Variants in GPC5 observed in about 807,000 individuals in gnomAD.
The protein encoded by GPC5 is glypican 5.
A neutral mutation model predicts 53.9 loss-of-function variants in GPC5; 47 were observed. The observed-to-expected ratio is 0.87, with a 90% CI of 0.69 to 1.11. The LOEUF (loss-of-function observed/expected upper bound fraction) is 1.11, where lower values mean the gene tolerates loss of function less well. Ranked by LOEUF, GPC5 falls within the 50% of genes most tolerant of loss-of-function variation. GPC5 has a pLI of 0.00. For synonymous variants in GPC5, 286 were observed against 263.3 expected, an observed-to-expected ratio of 1.09 and a Z score of -0.84; for missense variants, 748 against 713.1, an observed-to-expected ratio of 1.05 and a Z score of -0.56.
chr13:92,042,086 T>C (rs150748338), intron 6 of GPC5, among the ~76,000 whole-genome samples: 1 of 152,020 alleles, frequency 6.6e-6, no homozygotes, highest in Non-Finnish European at 1.5e-5. Context: ...CTGACTGGGG[T>C]CCTGAGTCCT....
intron 7 of GPC5, among the ~76,000 whole-genome samples, chr13:92,165,279 A>C (rs1037100763): frequency 6.6e-6 from 1 of 152,178 alleles, no homozygotes; most frequent in African/African-American, 2.4e-5. Context: ...TCCCTTTTAA[A>C]AATAAGTTCC....
At chr13:92,807,338 G>A (rs1877133458) in intron 7 of GPC5, among the ~76,000 whole-genome samples, 1 of 151,972 alleles carries the variant, frequency 6.6e-6, no homozygotes, top group Non-Finnish European at 1.5e-5. Flanking sequence ...ACATATTATG[G>A]TTGATGGCCA....
chr13:92,512,523 T>TCAAATATATGAACA (rs3064769), intron 7 of GPC5, among the ~76,000 whole-genome samples: 99,624 of 151,926 alleles, frequency 0.66, 33,018 homozygotes, highest in East Asian at 0.75. Context: ...AAATGCTTCA[T>TCAAATATATGAACA]CTGTAGGCTT....
At chr13:91,774,961 A>G (rs1347127938) in intron 5 of GPC5, among the ~76,000 whole-genome samples, 1 of 152,116 alleles carries the variant, frequency 6.6e-6, no homozygotes, top group Admixed American at 6.6e-5. Flanking sequence ...TAATTTAACA[A>G]TGTGATTTTC....
chr13:91,652,651 G>A (rs1291144470), intron 2 of GPC5, among the ~76,000 whole-genome samples: 1 of 152,084 alleles, frequency 6.6e-6, no homozygotes, highest in African/African-American at 2.4e-5. Flanking sequence ...TACTCAGAAT[G>A]CCAAGCAATT....
chr13:92,151,653 C>T (rs529107806), intron 7 of GPC5, among the ~76,000 whole-genome samples: 9 of 152,274 alleles, frequency 5.9e-5, no homozygotes, highest in African/African-American at 1.9e-4. Flanking sequence ...GCCTGACGCT[C>T]TCAGGTTATA....
At chr13:91,701,551 G>C (rs1041973956) in intron 3 of GPC5, among the ~76,000 whole-genome samples, 13 of 139,432 alleles carry the variant, frequency 9.3e-5, no homozygotes, top group African/African-American at 2.0e-4. Flanking sequence ...ATATTCCACT[G>C]TGTGTGTGTG....
chr13:92,008,595 C>A (rs970928660), intron 6 of GPC5, among the ~76,000 whole-genome samples: 11 of 151,974 alleles, frequency 7.2e-5, no homozygotes, highest in Non-Finnish European at 1.5e-5. Context: ...ATATAGAATT[C>A]TATTTGACAA....
chr13:91,774,728 T>C (rs1242726383), intron 5 of GPC5, among the ~76,000 whole-genome samples: 1 of 152,172 alleles, frequency 6.6e-6, no homozygotes, highest in African/African-American at 2.4e-5. Flanking sequence ...AATCAATGAC[T>C]GAGGTTCAGA....
At chr13:91,825,469 T>A (rs1022212032) in intron 5 of GPC5, among the ~76,000 whole-genome samples, 3 of 152,154 alleles carry the variant, frequency 2.0e-5, no homozygotes, top group Non-Finnish European at 2.9e-5. Flanking sequence ...ATTTGAATCA[T>A]AATGCCTTAT....
chr13:91,535,086 GCT>G lies in GPC5; in HGVS notation c.325+86169_325+86170del, dbSNP rs535336584. On this transcript the variant is annotated intron_variant, in intron 2 of 7. Coordinates refer to ENST00000377067, the MANE Select transcript of GPC5 (RefSeq NM_004466.6). ...GCTTCATTTTTAGCTCTACGCCTTT[GCT>G]CTCTTTTCTCAGTGTCTGACGTGTA... Among the ~76,000 whole-genome samples the G allele has an allele frequency of 1.2e-3, 177 of 152,180 alleles. 1 individual carries two copies. The highest frequency in any genetic ancestry group is 4.1e-3 in the African/African-American group (170 of 41,528).
intron 7 of GPC5, among the ~76,000 whole-genome samples, chr13:92,207,094 C>T (rs756847416): frequency 6.6e-6 from 1 of 152,148 alleles, no homozygotes; most frequent in Non-Finnish European, 1.5e-5. Context: ...TTAATTTTAC[C>T]CAAACTTTTC....
intron 7 of GPC5, among the ~76,000 whole-genome samples, chr13:92,643,864 A>C: frequency 1.5e-5 from 2 of 132,496 alleles, no homozygotes; most frequent in Non-Finnish European, 3.7e-5. Context: ...GTACCCTAAA[A>C]CTTAAAGTAT....
At chr13:91,959,939 G>A (rs1384676324) in intron 6 of GPC5, among the ~76,000 whole-genome samples, 1 of 151,754 alleles carries the variant, frequency 6.6e-6, no homozygotes, top group Non-Finnish European at 1.5e-5. Flanking sequence ...GGCATAGAAG[G>A]AATATACTTC....
chr13:92,167,369 A>T (rs1201402702), intron 7 of GPC5, among the ~76,000 whole-genome samples: 1 of 152,218 alleles, frequency 6.6e-6, no homozygotes, highest in Non-Finnish European at 1.5e-5. Context: ...GGAAGGAATA[A>T]GCTCAGTTTG....
chr13:91,760,842 G>C (rs964607381), intron 5 of GPC5, among the ~76,000 whole-genome samples: 1 of 152,132 alleles, frequency 6.6e-6, no homozygotes. Flanking sequence ...AGTGTAAAAA[G>C]AGTTTGATTT....
chr13:91,458,088 G>A (rs1327593393), intron 2 of GPC5, among the ~76,000 whole-genome samples: 2 of 152,076 alleles, frequency 1.3e-5, no homozygotes, highest in African/African-American at 2.4e-5. Context: ...TGGATAATCA[G>A]GGAAGAAGTG....
chr13:91,834,497 A>G (rs1186546825), intron 5 of GPC5, among the ~76,000 whole-genome samples: 1 of 152,154 alleles, frequency 6.6e-6, no homozygotes, highest in Non-Finnish European at 1.5e-5. Context: ...TTCAAACTAT[A>G]CTACAAAGCT....
chr13:92,544,828 T>G (rs1882047205), intron 7 of GPC5, among the ~76,000 whole-genome samples: 1 of 152,072 alleles, frequency 6.6e-6, no homozygotes, highest in Non-Finnish European at 1.5e-5. Flanking sequence ...CTTCATTTGT[T>G]TTAGGATCAT....
Sources: gnomAD v4.1 joint callset for allele counts (sites outside exome capture counted in the v4.1 genomes callset) on GRCh38, gnomAD v4.1.1 for gene constraint, MANE v1.5 for transcripts, NCBI Gene and HGNC (gene_info 2026-07-23, HGNC 2026-07-21) for gene names.